The following LYN variants were observed in gnomAD, a reference collection of about 807,000 sequenced individuals.
The protein encoded by LYN is tyrosine-protein kinase Lyn.
Under a neutral mutation model 65.0 loss-of-function variants are expected in LYN, and 12 were observed. That is an observed-to-expected ratio of 0.18 (90% CI 0.12 to 0.30). LYN has a LOEUF of 0.30. LYN is among the 10% of genes least tolerant of loss of function. LYN has a pLI of 1.00. For missense variants in LYN, 380 were observed against 623.2 expected, an observed-to-expected ratio of 0.61 and a Z score of 4.16; for synonymous variants, 222 against 221.2, an observed-to-expected ratio of 1.00 and a Z score of -0.03.
chr8:55,951,664 CAAAAAAA>C (rs75568524), intron 6 of LYN, among the ~76,000 whole-genome samples: 1 of 108,822 alleles, frequency 9.2e-6, no homozygotes, highest in African/African-American at 3.1e-5. Context: ...CAACCTATTT[CAAAAAAA>C]AAAAAAAGAA....
At chr8:55,931,158 A>C (rs1806259253) in intron 1 of LYN, among the ~76,000 whole-genome samples, 1 of 147,718 alleles carries the variant, frequency 6.8e-6, no homozygotes, top group Non-Finnish European at 1.5e-5. Flanking sequence ...ATATTTTTAA[A>C]TAAAATATAT....
Position 55,935,312 on chromosome 8 carries a change from C to T in LYN, c.-5-6543C>T, listed in dbSNP as rs369957497. On this transcript the variant is annotated intron_variant, in intron 1 of 12. Coordinates refer to ENST00000519728, the MANE Select transcript of LYN (RefSeq NM_002350.4). ...GCCGTGCTATGCAGCTTGGCCAGCC[C>T]GGGTTACCAGCTCACCAACTGTGCC... 1.0e-3 allele frequency among the ~76,000 whole-genome samples: 155 copies of T among 152,122 alleles called. 2 individuals carry two copies. Among genetic ancestry groups the T allele is most frequent in the Non-Finnish European group, 3.7e-4 (25 of 68,028 alleles).
At chr8:55,948,566 T>G (rs1490719626) in intron 4 of LYN, among the ~76,000 whole-genome samples, 3 of 152,220 alleles carry the variant, frequency 2.0e-5, no homozygotes, top group Non-Finnish European at 4.4e-5. Context: ...TGCAGGACAG[T>G]GCTCAGAATA....
At position 55,880,905 on chromosome 8, in the gene LYN, C is replaced by T. The variant is rs1367750510; in HGVS notation, c.-6+802C>T. Among the ~76,000 whole-genome samples the T allele has an allele frequency of 2.6e-5, 4 of 152,352 alleles. No homozygotes were observed. The East Asian group carries it at 7.7e-4, about 29-fold the overall frequency. ...GGTGCATTCGTAACTTTCCAACAGCCTGCCTGTCATGTGGATTAGCGGTTG... is the reference window on the plus strand; with the variant it reads ...GGTGCATTCGTAACTTTCCAACAGCTTGCCTGTCATGTGGATTAGCGGTTG... On this transcript the variant is annotated intron_variant, in intron 1 of 12. Transcript: ENST00000519728.
At chr8:55,961,832 G>A (rs1157061327) in intron 8 of LYN, among the ~76,000 whole-genome samples, 2 of 152,028 alleles carry the variant, frequency 1.3e-5, no homozygotes, top group African/African-American at 2.4e-5. Flanking sequence ...CGACCTCTGA[G>A]AGGAAACTTG....
chr8:56,002,604 AAAATTAAATTAAATT>A (rs56143558), intron 12 of LYN, among the ~76,000 whole-genome samples: 104 of 145,160 alleles, frequency 7.2e-4, no homozygotes, highest in Middle Eastern at 3.5e-3. Context: ...CTCCATCTCA[AAAATTAAATTAAATT>A]AAATTAAATT....
At chr8:55,886,021 AC>A (rs899488813) in intron 1 of LYN, among the ~76,000 whole-genome samples, 2 of 152,132 alleles carry the variant, frequency 1.3e-5, no homozygotes, top group African/African-American at 4.8e-5. Context: ...TGCGAAGCCC[AC>A]CCTGGCCATG....
intron 10 of LYN, among the ~76,000 whole-genome samples, chr8:55,991,049 C>G (rs77412240): frequency 0.012 from 1,867 of 152,186 alleles, 42 homozygotes; most frequent in African/African-American, 0.039. Context: ...TAGAGACACG[C>G]CGGCAGTACT....
chr8:55,943,596 G>T (rs766947795), intron 2 of LYN, among the ~76,000 whole-genome samples: 1 of 147,604 alleles, frequency 6.8e-6, no homozygotes, highest in Non-Finnish European at 1.5e-5. Context: ...AAAAAAAAAG[G>T]CATTTTTATA....
rs1473649818 is a variant in LYN at position 55,940,110 on chromosome 8, AG to A, written c.-5-1743del. On this transcript the variant is annotated intron_variant, in intron 1 of 12. Transcript: ENST00000519728. The stretch of plus-strand genomic sequence containing the variant: ...GGCCGAGTTCCCAGAAGAGCTCTTG[AG>A]GTTTCTTAGTACAATTCCTCCCCCA... The A allele has an allele frequency of 2.0e-5, 3 of 152,330 alleles. No homozygotes were observed. The East Asian group carries it at 5.8e-4, about 29-fold the overall frequency. The allele number at this position is 152,330 out of a possible 1,614,324, so 9.4% of individuals were successfully genotyped here.
intron 1 of LYN, among the ~76,000 whole-genome samples, chr8:55,927,572 C>T (rs62515366): frequency 0.01 from 1,534 of 152,216 alleles, 22 homozygotes; most frequent in Non-Finnish European, 0.013. Flanking sequence ...CGGTGGTTCA[C>T]GTCTGTAATC....
intron 8 of LYN, 35 bp downstream of exon 8, chr8:55,954,019 G>A: frequency 5.6e-6 from 9 of 1,607,354 alleles, no homozygotes; most frequent in Non-Finnish European, 6.8e-6. Context: ...TGTCCTTCTA[G>A]AGATGGTGAC....
At chr8:55,977,192 A>G (rs1382500546) in intron 10 of LYN, among the ~76,000 whole-genome samples, 1 of 152,208 alleles carries the variant, frequency 6.6e-6, no homozygotes, top group Non-Finnish European at 1.5e-5. Flanking sequence ...TCTCAAAAAA[A>G]AAATAAAAAT....
chr8:55,945,291 G>T (rs1339555118), intron 2 of LYN, among the ~76,000 whole-genome samples: 1 of 152,198 alleles, frequency 6.6e-6, no homozygotes, highest in Non-Finnish European at 1.5e-5. Context: ...TTAAAATGAT[G>T]TAATTAGTTT....
At chr8:55,885,231 T>C (rs1804760150) in intron 1 of LYN, among the ~76,000 whole-genome samples, 1 of 152,256 alleles carries the variant, frequency 6.6e-6, no homozygotes, top group South Asian at 2.1e-4. Context: ...TACATTTAAA[T>C]AATCCAGTTA....
intron 1 of LYN, among the ~76,000 whole-genome samples, chr8:55,930,052 T>G (rs771992766): frequency 6.6e-6 from 1 of 152,294 alleles, no homozygotes; most frequent in South Asian, 2.1e-4. Flanking sequence ...ACTGCACATG[T>G]GAGGGATCTA....
intron 8 of LYN, chr8:55,954,965 G>C (rs1286537762): frequency 6.6e-6 from 1 of 152,198 alleles, no homozygotes; most frequent in Non-Finnish European, 1.5e-5. Context: ...GGTTCTAATG[G>C]AATGTGCGGT....
chr8:55,923,148 T>C (rs1020527533), intron 1 of LYN, among the ~76,000 whole-genome samples: 2 of 152,200 alleles, frequency 1.3e-5, no homozygotes, highest in African/African-American at 4.8e-5. Flanking sequence ...GTAAGGAAGA[T>C]GGAAATTCAA....
intron 8 of LYN, among the ~76,000 whole-genome samples, chr8:55,961,862 C>A (rs1160712679): frequency 6.6e-6 from 1 of 151,984 alleles, no homozygotes; most frequent in Non-Finnish European, 1.5e-5. Context: ...GAAGCCCCCA[C>A]CGTCCACCCA....
Sources: gnomAD v4.1 joint callset for allele counts (sites outside exome capture counted in the v4.1 genomes callset) on GRCh38, gnomAD v4.1.1 for gene constraint, MANE v1.5 for transcripts, NCBI Gene and HGNC (gene_info 2026-07-23, HGNC 2026-07-21) for gene names.